OR3A2: variants seen among roughly 807,000 people sequenced by gnomAD.
OR3A2 encodes olfactory receptor family 3 subfamily A member 2.
For synonymous variants in OR3A2, 126 were observed against 159.3 expected (o/e 0.79, Z 1.57); for missense variants, 318 against 392.8 (o/e 0.81, Z 1.61).
At chr17:3,377,236 C>T (rs1241036907) in intron 2 of OR3A2, among the ~76,000 whole-genome samples, 1 of 152,180 alleles carries the variant, frequency 6.6e-6, no homozygotes, top group Non-Finnish European at 1.5e-5. Context: ...GCATGTTAGT[C>T]CCGTCTCCTA....
intron 3 of OR3A2, among the ~76,000 whole-genome samples, chr17:3,312,205 T>C (rs1270457309): frequency 1.3e-5 from 2 of 152,180 alleles, no homozygotes; most frequent in African/African-American, 4.8e-5. Flanking sequence ...ACAAACTATT[T>C]TGTATTTTTT....
intron 1 of OR3A2, among the ~76,000 whole-genome samples, chr17:3,282,337 C>T (rs377462010): frequency 2.0e-5 from 3 of 152,158 alleles, no homozygotes; most frequent in African/African-American, 7.2e-5. Context: ...ACCCGGGAGG[C>T]GGAGGTTGCA....
intron 1 of OR3A2, among the ~76,000 whole-genome samples, chr17:3,283,120 T>C (rs2048787436): frequency 6.6e-6 from 1 of 152,236 alleles, no homozygotes; most frequent in African/African-American, 2.4e-5. Flanking sequence ...GAGTCACTTC[T>C]TTATAGAGTC....
chr17:3,371,465 G>C (rs1434309596), intron 2 of OR3A2, among the ~76,000 whole-genome samples: 4 of 140,112 alleles, frequency 2.9e-5, no homozygotes, highest in Non-Finnish European at 6.3e-5. Flanking sequence ...CTGGCTGGGC[G>C]GGGGGCTGAT....
downstream of OR3A2, chr17:3,277,028 A>G (rs2150614075): frequency 6.7e-6 from 1 of 148,674 alleles, no homozygotes; most frequent in African/African-American, 2.5e-5. Flanking sequence ...GGTTCACGCC[A>G]TTCTCCTGCC....
intron 3 of OR3A2, among the ~76,000 whole-genome samples, chr17:3,324,776 G>A (rs1451215256): frequency 6.6e-6 from 1 of 152,068 alleles, no homozygotes; most frequent in Admixed American, 6.6e-5. Context: ...CTACTCGGGG[G>A]TGCCTCCCAG....
intron 2 of OR3A2, among the ~76,000 whole-genome samples, chr17:3,348,276 T>G (rs1337115634): frequency 6.6e-6 from 1 of 152,170 alleles, no homozygotes; most frequent in Non-Finnish European, 1.5e-5. Context: ...CATTTTGGCT[T>G]TTGTTGCCAT....
At chr17:3,294,801 G>A (rs546031682) in intron 3 of OR3A2, among the ~76,000 whole-genome samples, 2 of 152,072 alleles carry the variant, frequency 1.3e-5, no homozygotes, top group African/African-American at 2.4e-5. Flanking sequence ...TGCAGTCTCC[G>A]GGGGAAGAAA....
At chr17:3,310,806 C>A in intron 3 of OR3A2, 1 of 741,328 alleles carries the variant, frequency 1.3e-6, no homozygotes, top group Non-Finnish European at 2.2e-6. Context: ...AACTGTTGCC[C>A]TGTCTCCTCT....
At chr17:3,292,923 A>G (rs1027488263) in intron 3 of OR3A2, among the ~76,000 whole-genome samples, 2 of 152,238 alleles carry the variant, frequency 1.3e-5, no homozygotes, top group African/African-American at 2.4e-5. Context: ...TGGTTTGAAC[A>G]TGGCCGAGTA....
intron 2 of OR3A2, among the ~76,000 whole-genome samples, chr17:3,372,946 T>C (rs1363325964): frequency 1.3e-5 from 2 of 151,236 alleles, no homozygotes; most frequent in East Asian, 2.0e-4. Context: ...TATAATGCTA[T>C]GAACTTTCCT....
At chr17:3,349,397 A>G (rs2049399648) in intron 2 of OR3A2, among the ~76,000 whole-genome samples, 1 of 151,958 alleles carries the variant, frequency 6.6e-6, no homozygotes, top group Non-Finnish European at 1.5e-5. Flanking sequence ...CTCTGATAAA[A>G]CAGACTTTAA....
chr17:3,318,151 T>C (rs983707058), intron 3 of OR3A2, among the ~76,000 whole-genome samples: 9 of 151,974 alleles, frequency 5.9e-5, no homozygotes, highest in Admixed American at 1.3e-4. Context: ...TGCTTACAAG[T>C]TCCACAAACA....
chr17:3,282,661 G>A (rs1044315479), intron 1 of OR3A2, among the ~76,000 whole-genome samples: 2 of 152,226 alleles, frequency 1.3e-5, no homozygotes, highest in African/African-American at 2.4e-5. Flanking sequence ...TGACTTGGAG[G>A]AGGGCAGAAA....
intron 1 of OR3A2, 28 bp from the exon 4 acceptor site, chr17:3,279,181 T>C (rs1597314358): frequency 1.7e-6 from 1 of 587,130 alleles, no homozygotes; most frequent in Non-Finnish European, 2.9e-6. Flanking sequence ...CTATAGTTAA[T>C]AAAGTGTATT....
chr17:3,291,783 G>A (rs1224336648), intron 3 of OR3A2: 3 of 1,613,644 alleles, frequency 1.9e-6, no homozygotes, highest in African/African-American at 2.7e-5. Flanking sequence ...AAGCTTGGTT[G>A]AACCCAGTCG....
chr17:3,350,940 T>G (rs2049414913), intron 2 of OR3A2, among the ~76,000 whole-genome samples: 3 of 151,512 alleles, frequency 2.0e-5, no homozygotes, highest in Admixed American at 2.0e-4. Flanking sequence ...AACCACATGA[T>G]TATCTCAATA....
intron 3 of OR3A2, among the ~76,000 whole-genome samples, chr17:3,319,701 G>T (rs1307407789): frequency 2.6e-5 from 4 of 152,120 alleles, no homozygotes; most frequent in South Asian, 4.1e-4. Flanking sequence ...CAAAGGACAT[G>T]AACTCATCAT....
chr17:3,338,296 T>C (rs1220444022), intron 2 of OR3A2, among the ~76,000 whole-genome samples: 1 of 152,178 alleles, frequency 6.6e-6, no homozygotes, highest in African/African-American at 2.4e-5. Flanking sequence ...TTTGTCTATT[T>C]TGGCTTTTGT....
Sources: gnomAD v4.1 joint callset for allele counts (sites outside exome capture counted in the v4.1 genomes callset) on GRCh38, gnomAD v4.1.1 for gene constraint, MANE v1.5 for transcripts, NCBI Gene and HGNC (gene_info 2026-07-23, HGNC 2026-07-21) for gene names.